The following KIF5C variants were observed in gnomAD, a reference collection of about 807,000 sequenced individuals.
The protein encoded by KIF5C is kinesin family member 5C.
KIF5C carries 18 observed loss-of-function variants against 125.2 expected under a neutral mutation model. The ratio of observed to expected loss-of-function variants is 0.14; its 90% CI spans 0.10 to 0.21. KIF5C has a LOEUF of 0.21. Among genes scored for constraint, KIF5C ranks in the 10% least tolerant of loss-of-function variants. The probability of loss-of-function intolerance (pLI) is 1.00; values close to 1 mark genes in which losing one functional copy is unlikely to be tolerated. For synonymous variants in KIF5C, 405 were observed against 434.0 expected (o/e 0.93, Z 0.83); for missense variants, 780 against 1,183.8 (o/e 0.66, Z 5.01).
At chr2:148,929,430 T>G in intron 3 of KIF5C, 76 bp downstream of exon 3, 2 of 894,896 alleles carry the variant, frequency 2.2e-6, no homozygotes, top group Middle Eastern at 4.2e-4. Flanking sequence ...AAACTTGAGG[T>G]GCATGTGGCT....
intron 19 of KIF5C, 68 bp downstream of exon 19, chr2:148,998,577 A>G: frequency 6.5e-7 from 1 of 1,545,458 alleles, no homozygotes; most frequent in Non-Finnish European, 8.7e-7. Context: ...GAAGCCTGGA[A>G]GGATGTGGCT....
intron 15 of KIF5C, among the ~76,000 whole-genome samples, chr2:148,989,706 G>A (rs1316725362): frequency 1.3e-5 from 2 of 151,878 alleles, no homozygotes; most frequent in African/African-American, 2.4e-5. Flanking sequence ...GTTTCACATT[G>A]TGGTTTTGAT....
rs770684883 is a variant in KIF5C, at chr2:148,942,664, C to G, written c.502-9C>G. 2.5e-6 allele frequency: 4 copies of G among 1,606,366 alleles called. No homozygotes were observed. The highest frequency in any genetic ancestry group is 3.4e-6 in the Non-Finnish European group (4 of 1,176,602). ...TTTCAGTGGTGAACCTGAACTGATT[C>G]TCTTCCAGGGGTGCACTGAGCGGTT... is the stretch of plus-strand genomic sequence containing the variant. On this transcript the variant is annotated splice_polypyrimidine_tract_variant and intron_variant, in intron 6 of 25. Transcript: ENST00000435030.
intron 25 of KIF5C, among the ~76,000 whole-genome samples, chr2:149,013,566 C>A (rs1340170905): frequency 6.6e-6 from 1 of 152,172 alleles, no homozygotes; most frequent in Non-Finnish European, 1.5e-5. Context: ...GGGCAGCTGG[C>A]ATACTGTGCA....
At chr2:148,923,599 T>C (rs749525596) in intron 2 of KIF5C, among the ~76,000 whole-genome samples, 33 of 152,322 alleles carry the variant, frequency 2.2e-4, no homozygotes, top group South Asian at 2.1e-4. Flanking sequence ...CTCCCTATTA[T>C]TCGACTCATT....
At chr2:149,018,324 G>T (rs1682429744) in intron 25 of KIF5C, among the ~76,000 whole-genome samples, 2 of 152,194 alleles carry the variant, frequency 1.3e-5, no homozygotes, top group South Asian at 4.2e-4. Flanking sequence ...AATACATGAA[G>T]ATTAGCCTAG....
At position 149,025,812 on chromosome 2, in the gene KIF5C, T is replaced by C. The variant is rs1225217356; in HGVS notation, c.*2742T>C. 6.5e-6 allele frequency: 1 copy of C among 152,770 alleles called. No individual in the cohort carries two copies. The highest frequency in any genetic ancestry group is 1.9e-4 in the East Asian group (1 of 5,186). The allele number at this position is 152,770 out of a possible 1,614,324, so 9.5% of individuals were successfully genotyped here. On this transcript the variant is annotated 3_prime_UTR_variant, in exon 26 of 26. Coordinates refer to ENST00000435030, the MANE Select transcript of KIF5C (RefSeq NM_004522.3). ...ATAATGCCAAATGTGTTTTTGTCAA[T>C]TACTAGAGAATTCTGTGCAAACATA...
At chr2:148,971,290 G>GTCTGTCTATCTA (rs764761986) in intron 11 of KIF5C, among the ~76,000 whole-genome samples, 4,027 of 137,200 alleles carry the variant, frequency 0.029, 81 homozygotes, top group East Asian at 0.059. Context: ...CTGTCTGTCT[G>GTCTGTCTATCTA]TCTATCTATC....
chr2:148,948,813 A>G (rs1682587851), intron 8 of KIF5C, among the ~76,000 whole-genome samples: 1 of 152,238 alleles, frequency 6.6e-6, no homozygotes, highest in Non-Finnish European at 1.5e-5. Flanking sequence ...ATAAGAAAGC[A>G]TCTTAAAATA....
At chr2:149,016,196 A>G (rs1682351516) in intron 25 of KIF5C, among the ~76,000 whole-genome samples, 1 of 152,212 alleles carries the variant, frequency 6.6e-6, no homozygotes, top group Non-Finnish European at 1.5e-5. Context: ...AGTTGAGCCC[A>G]AGTAAATGAA....
chr2:149,015,845 T>C (rs1682342959), intron 25 of KIF5C, among the ~76,000 whole-genome samples: 1 of 152,234 alleles, frequency 6.6e-6, no homozygotes, highest in Non-Finnish European at 1.5e-5. Context: ...GTACTTGGTT[T>C]CACAGTGAAT....
Position 148,875,596 on chromosome 2 carries a change from C to G in KIF5C, c.-22C>G. 1 of 1,478,654 alleles carries G rather than the reference C, an allele frequency of 6.8e-7. No individual in the cohort carries two copies. The highest frequency in any genetic ancestry group is 2.0e-5 in the Admixed American group (1 of 50,234). The allele number at this position is 1,478,654 out of a possible 1,614,324, so 91.6% of individuals were successfully genotyped here. On this transcript the variant is annotated 5_prime_UTR_variant, in exon 1 of 26. Transcript: ENST00000435030. ...CCCGGCCCCCCACCCATCCCCGTGCCCCCTCCCTACCGCCGGCCGAGATGG... is the reference window on the plus strand; with the variant it reads ...CCCGGCCCCCCACCCATCCCCGTGCGCCCTCCCTACCGCCGGCCGAGATGG...
chr2:148,998,590 T>C, intron 19 of KIF5C, 81 bp downstream of exon 19: 1 of 1,535,336 alleles, frequency 6.5e-7, no homozygotes, highest in Non-Finnish European at 8.8e-7. Flanking sequence ...ATGTGGCTCT[T>C]AGTCGAGGGC....
At chr2:148,995,349 T>G (rs1218693436) in intron 17 of KIF5C, among the ~76,000 whole-genome samples, 1 of 152,226 alleles carries the variant, frequency 6.6e-6, no homozygotes, top group African/African-American at 2.4e-5. Context: ...TGAACTGCCG[T>G]GGCTTCCCTG....
chr2:148,967,441 T>C (rs1040963480), intron 11 of KIF5C, among the ~76,000 whole-genome samples: 1 of 152,128 alleles, frequency 6.6e-6, no homozygotes, highest in Admixed American at 6.5e-5. Context: ...TGTATGTGAT[T>C]ATGTTGGAGA....
intron 20 of KIF5C, 68 bp downstream of exon 20, chr2:149,000,592 A>G (rs1681818827): frequency 4.2e-5 from 66 of 1,562,164 alleles, no homozygotes; most frequent in Non-Finnish European, 5.7e-5. Flanking sequence ...GATTGGGCTA[A>G]TTTAAAAACA....
rs1319862663 is a variant in KIF5C, at chr2:149,002,321, C to T, written c.2373+1539C>T. Among the ~76,000 whole-genome samples, 3 of 152,180 alleles carry T rather than the reference C, an allele frequency of 2.0e-5. No individual in the cohort carries two copies. The South Asian group carries it at 6.2e-4, about 32-fold the overall frequency. On this transcript the variant is annotated intron_variant, in intron 21 of 25. Coordinates refer to ENST00000435030, the MANE Select transcript of KIF5C (RefSeq NM_004522.3). ...AGCCATCCACGCTCTCTTTCAGTCT[C>T]ACTCACACCTACAACTCAAGCATGT...
chr2:148,936,147 A>T (rs1226471783), intron 3 of KIF5C, among the ~76,000 whole-genome samples: 1 of 152,178 alleles, frequency 6.6e-6, no homozygotes, highest in Non-Finnish European at 1.5e-5. Context: ...AAAATTAGCC[A>T]GCTGCGGTGG....
rs190619720 is a variant in KIF5C, at chr2:148,969,286, A to T, written c.1118-4050A>T. Among the ~76,000 whole-genome samples, 14 of 152,302 alleles carry T rather than the reference A, an allele frequency of 9.2e-5. No homozygotes were observed. The East Asian group carries it at 2.5e-3, about 27-fold the overall frequency. On this transcript the variant is annotated intron_variant, in intron 11 of 25. Coordinates refer to ENST00000435030, the MANE Select transcript of KIF5C (RefSeq NM_004522.3). ...CTCTGGGAGTTTTTATTTTATAATT[A>T]GAATGCTCTGTAAGCCTTATAGGTA... is the stretch of plus-strand genomic sequence containing the variant.
Sources: gnomAD v4.1 joint callset for allele counts (sites outside exome capture counted in the v4.1 genomes callset) on GRCh38, gnomAD v4.1.1 for gene constraint, MANE v1.5 for transcripts, NCBI Gene and HGNC (gene_info 2026-07-23, HGNC 2026-07-21) for gene names.